RPTOR: variants seen among roughly 807,000 people sequenced by gnomAD.
The protein encoded by RPTOR is regulatory associated protein of MTOR complex 1, also known as regulatory-associated protein of mTOR.
In RPTOR, 21 loss-of-function variants were observed where a neutral mutation model predicts 169.9. The ratio of observed to expected loss-of-function variants is 0.12; its 90% CI spans 0.09 to 0.18. The LOEUF is 0.18. Among genes scored for constraint, RPTOR ranks in the 10% least tolerant of loss-of-function variants. The pLI is 1.00. For missense variants in RPTOR, 1,133 were observed against 1,855.9 expected, an observed-to-expected ratio of 0.61 and a Z score of 7.16; for synonymous variants, 732 against 753.2, an observed-to-expected ratio of 0.97 and a Z score of 0.46.
chr17:80,697,724 C>T (rs769392289), intron 3 of RPTOR, among the ~76,000 whole-genome samples: 8 of 152,164 alleles, frequency 5.3e-5, no homozygotes, highest in Non-Finnish European at 1.0e-4. Context: ...GCAGAGGGCT[C>T]GCAGGTGGTG....
At chr17:80,923,389 C>T in intron 22 of RPTOR, 101 bp from the exon 23 acceptor site, 4 of 1,347,720 alleles carry the variant, frequency 3.0e-6, no homozygotes, top group South Asian at 2.5e-5. Context: ...GCCCTGGTGG[C>T]ACCTGGGAGG....
At chr17:80,919,690 C>T (rs1393644906) in intron 21 of RPTOR, among the ~76,000 whole-genome samples, 2 of 152,158 alleles carry the variant, frequency 1.3e-5, no homozygotes, top group Non-Finnish European at 2.9e-5. Flanking sequence ...ATCTTCCAGG[C>T]GTGTTCATGT....
At chr17:80,952,769 C>T (rs564763225) in intron 28 of RPTOR, among the ~76,000 whole-genome samples, 9 of 151,816 alleles carry the variant, frequency 5.9e-5, no homozygotes, top group East Asian at 1.9e-4. Context: ...GTGCCTGGGA[C>T]GTGGCTGCTG....
chr17:80,853,283 G>A (rs1012325189), intron 11 of RPTOR, among the ~76,000 whole-genome samples: 26 of 152,142 alleles, frequency 1.7e-4, no homozygotes, highest in Non-Finnish European at 3.5e-4. Context: ...AGACACCCGG[G>A]CTTTTCCAGC....
At position 80,860,221 on chromosome 17, in the gene RPTOR, G is replaced by A. The variant is rs902399048; in HGVS notation, c.1509+2321G>A. ...CATCCTTAGCCCTGTCAGCCATGTCGCACTGGCCACCAGGACCTGCTGTGC... is the reference window on the plus strand; with the variant it reads ...CATCCTTAGCCCTGTCAGCCATGTCACACTGGCCACCAGGACCTGCTGTGC... On this transcript the variant is annotated intron_variant, in intron 13 of 33. Coordinates refer to ENST00000306801, the MANE Select transcript of RPTOR (RefSeq NM_020761.3). The surrounding 1 kb of genome is among the most constrained non-coding windows in gnomAD (Gnocchi z 5.8). Among the ~76,000 whole-genome samples, 9 of 152,214 alleles carry A rather than the reference G, an allele frequency of 5.9e-5. No individual in the cohort carries two copies. The highest frequency in any genetic ancestry group is 1.9e-4 in the African/African-American group (8 of 41,458).
At chr17:80,774,137 G>A (rs1419709258) in intron 6 of RPTOR, 10 of 985,272 alleles carry the variant, frequency 1.0e-5, no homozygotes, top group African/African-American at 3.5e-5. Flanking sequence ...TGTGACTCGA[G>A]GGCGCTGTGA....
chr17:80,712,807 G>C (rs1035236086), intron 4 of RPTOR, among the ~76,000 whole-genome samples: 2 of 152,126 alleles, frequency 1.3e-5, no homozygotes, highest in Non-Finnish European at 2.9e-5. Context: ...AGTATCTGTT[G>C]CTCCACATGC....
intron 1 of RPTOR, 31 bp from the exon 2 acceptor site, chr17:80,625,659 TA>T: frequency 6.9e-7 from 1 of 1,448,576 alleles, no homozygotes. Context: ...CATATTGAAA[TA>T]TTTATTTATT....
chr17:80,790,358 G>A (rs186370707), intron 6 of RPTOR, among the ~76,000 whole-genome samples: 3 of 152,354 alleles, frequency 2.0e-5, no homozygotes, highest in African/African-American at 7.2e-5. Flanking sequence ...GAGAGAGTGA[G>A]TGTGGCTGGC....
At chr17:80,932,631 A>G (rs751580151) in intron 24 of RPTOR, among the ~76,000 whole-genome samples, 2 of 152,224 alleles carry the variant, frequency 1.3e-5, no homozygotes, top group Non-Finnish European at 2.9e-5. Context: ...GAAAAAAATC[A>G]GTGAATTTAA....
At chr17:80,829,987 A>AT (rs1358667007) in intron 9 of RPTOR, among the ~76,000 whole-genome samples, 3 of 152,348 alleles carry the variant, frequency 2.0e-5, no homozygotes, top group African/African-American at 7.2e-5. Context: ...AGTCAGTTCC[A>AT]TTTAATGCTG....
Position 80,841,731 on chromosome 17 carries a change from CGCAGCTCACTCTCCCCGCACG to C in RPTOR, c.1212+3769_1212+3789del, listed in dbSNP as rs1567943563. On this transcript the variant is annotated intron_variant, in intron 10 of 33. Coordinates refer to ENST00000306801, the MANE Select transcript of RPTOR (RefSeq NM_020761.3). ...GCACGGCAGCTCACTCTCACCACAC[CGCAGCTCACTCTCCCCGCACG>C]GCAGCTCACTCTCCCCGCACGGCAG... Among the ~76,000 whole-genome samples the C allele has an allele frequency of 1.1e-3, 110 of 102,280 alleles. 1 individual carries two copies. Among genetic ancestry groups the C allele is most frequent in the East Asian group, 0.01 (32 of 3,054 alleles). The allele number at this position is 102,280 out of a possible 152,430, so 67.1% of individuals were successfully genotyped here.
chr17:80,627,942 G>T (rs753961787), intron 2 of RPTOR, among the ~76,000 whole-genome samples: 3 of 151,568 alleles, frequency 2.0e-5, no homozygotes, highest in African/African-American at 4.9e-5. Context: ...GGGTTCAAGC[G>T]ATTCTCCTGC....
At chr17:80,666,985 A>G (rs1420508016) in intron 3 of RPTOR, among the ~76,000 whole-genome samples, 1 of 152,212 alleles carries the variant, frequency 6.6e-6, no homozygotes, top group Non-Finnish European at 1.5e-5. Flanking sequence ...TACTCAAGGA[A>G]TGCAGTAGGT....
intron 13 of RPTOR, among the ~76,000 whole-genome samples, chr17:80,864,504 G>C (rs115247563): frequency 1.7e-3 from 246 of 148,724 alleles, no homozygotes; most frequent in African/African-American, 5.4e-3. Context: ...GAGAGAGACA[G>C]AGAAAGAGAA....
At chr17:80,962,683 G>A (rs1159071473) in intron 32 of RPTOR, 106 bp downstream of exon 32, 8 of 1,174,552 alleles carry the variant, frequency 6.8e-6, no homozygotes, top group Admixed American at 6.3e-5. Context: ...GGAGGGCAGG[G>A]GAGGATTTCA....
At chr17:80,810,553 G>A (rs1194927200) in intron 7 of RPTOR, among the ~76,000 whole-genome samples, 3 of 149,596 alleles carry the variant, frequency 2.0e-5, no homozygotes, top group Non-Finnish European at 3.0e-5. Flanking sequence ...TAGCTTTATT[G>A]TAAGTCTCTG....
intron 6 of RPTOR, among the ~76,000 whole-genome samples, chr17:80,778,728 G>A (rs1177218958): frequency 1.3e-5 from 2 of 152,176 alleles, no homozygotes; most frequent in East Asian, 3.8e-4. Context: ...GAGCCCGGGA[G>A]TTCACCACTA....
chr17:80,870,207 T>G (rs1299309657), intron 13 of RPTOR, among the ~76,000 whole-genome samples: 1 of 152,216 alleles, frequency 6.6e-6, no homozygotes, highest in Non-Finnish European at 1.5e-5. Flanking sequence ...GAGCGTAATG[T>G]CAGTGGATCT....
Sources: allele counts gnomAD v4.1 joint callset (sites outside exome capture counted in the v4.1 genomes callset), GRCh38; gene constraint gnomAD v4.1.1; non-coding constraint Gnocchi (gnomAD v3.1); transcripts MANE v1.5; gene names NCBI Gene and HGNC (gene_info 2026-07-23, HGNC 2026-07-21).